Variants in KCTD16 observed in about 807,000 individuals in gnomAD.
KCTD16 encodes BTB/POZ domain-containing protein KCTD16.
In KCTD16, 13 loss-of-function variants were observed where a neutral mutation model predicts 33.2. The observed-to-expected ratio is 0.39, with a 90% confidence interval of 0.25 to 0.62. The LOEUF (loss-of-function observed/expected upper bound fraction) is 0.62, where lower values mean the gene tolerates loss of function less well. Among genes scored for constraint, KCTD16 ranks in the 20% least tolerant of loss-of-function variants. KCTD16 has a pLI of 0.50. For missense variants in KCTD16, 441 were observed against 525.1 expected, an observed-to-expected ratio of 0.84 and a Z score of 1.57; for synonymous variants, 197 against 195.3, an observed-to-expected ratio of 1.01 and a Z score of -0.07.
chr5:144,405,114 C>A (rs1752782982), intron 3 of KCTD16, among the ~76,000 whole-genome samples: 3 of 152,094 alleles, frequency 2.0e-5, no homozygotes, highest in Non-Finnish European at 2.9e-5. Context: ...AAGTAATTTG[C>A]CCAGGATCAC....
intron 3 of KCTD16, among the ~76,000 whole-genome samples, chr5:144,371,552 C>T (rs371529671): frequency 6.6e-6 from 1 of 152,140 alleles, no homozygotes; most frequent in Admixed American, 6.5e-5. Context: ...AAATGTTCCA[C>T]GTTCCTGGAC....
At chr5:144,373,645 A>G (rs549477968) in intron 3 of KCTD16, among the ~76,000 whole-genome samples, 30 of 152,162 alleles carry the variant, frequency 2.0e-4, no homozygotes, top group Non-Finnish European at 4.4e-5. Context: ...AGCTCAGCAT[A>G]TAGGTCTGTT....
chr5:144,346,423 G>C (rs1346122004), intron 3 of KCTD16, among the ~76,000 whole-genome samples: 1 of 151,906 alleles, frequency 6.6e-6, no homozygotes, highest in Non-Finnish European at 1.5e-5. Context: ...TTTTTTTCAG[G>C]GGCCTCCAAA....
chr5:144,439,006 T>A (rs538147752), intron 3 of KCTD16, among the ~76,000 whole-genome samples: 15 of 152,070 alleles, frequency 9.9e-5, no homozygotes, highest in Non-Finnish European at 2.1e-4. Flanking sequence ...GTCTTGCACA[T>A]GTTCCTTCCT....
chr5:144,179,182 T>C (rs1173144344), intron 2 of KCTD16, among the ~76,000 whole-genome samples: 1 of 152,162 alleles, frequency 6.6e-6, no homozygotes, highest in African/African-American at 2.4e-5. Flanking sequence ...CACAGGTTCC[T>C]AAAGGTTTGG....
At chr5:144,417,335 CATT>C (rs1315013465) in intron 3 of KCTD16, among the ~76,000 whole-genome samples, 1 of 152,036 alleles carries the variant, frequency 6.6e-6, no homozygotes, top group Non-Finnish European at 1.5e-5. Flanking sequence ...AATGGTGCCT[CATT>C]GTGATTTTCA....
chr5:144,426,399 A>C (rs917548892), intron 3 of KCTD16, among the ~76,000 whole-genome samples: 2 of 152,066 alleles, frequency 1.3e-5, no homozygotes, highest in African/African-American at 4.8e-5. Flanking sequence ...TCTTCTATTG[A>C]GCTCTCACCA....
At chr5:144,319,937 T>G (rs894914589) in intron 3 of KCTD16, among the ~76,000 whole-genome samples, 1 of 152,138 alleles carries the variant, frequency 6.6e-6, no homozygotes, top group Non-Finnish European at 1.5e-5. Context: ...TATTATAAAT[T>G]GATATTTGTA....
chr5:144,203,220 CT>C (rs1379786249), intron 2 of KCTD16, among the ~76,000 whole-genome samples: 1 of 151,806 alleles, frequency 6.6e-6, no homozygotes, highest in Non-Finnish European at 1.5e-5. Context: ...TCTTTTAACT[CT>C]GCAATTTAAA....
intron 3 of KCTD16, among the ~76,000 whole-genome samples, chr5:144,213,908 G>A (rs1753478943): frequency 6.6e-6 from 1 of 152,124 alleles, no homozygotes; most frequent in Non-Finnish European, 1.5e-5. Flanking sequence ...TACCATTCAG[G>A]TGCTGCAGTG....
chr5:144,464,997 C>T (rs547521267), intron 3 of KCTD16, among the ~76,000 whole-genome samples: 1 of 152,250 alleles, frequency 6.6e-6, no homozygotes, highest in East Asian at 1.9e-4. Flanking sequence ...CCCTTTCTGG[C>T]ATCTGGTAAC....
At chr5:144,180,761 C>T (rs1000946371) in intron 2 of KCTD16, among the ~76,000 whole-genome samples, 1 of 151,950 alleles carries the variant, frequency 6.6e-6, no homozygotes, top group Non-Finnish European at 1.5e-5. Context: ...CAAAACATGG[C>T]GGCTGTAGTC....
chr5:144,170,929 C>T lies in KCTD16; in HGVS notation c.-573C>T, dbSNP rs1752366829. On this transcript the variant is annotated 5_prime_UTR_variant, in exon 1 of 4. Transcript: ENST00000512467. ...GCTAAAATGAGACAGACGGAGTCCCCTCTCCTGTCCACAAACTACAATGCC... is the reference window on the plus strand; with the variant it reads ...GCTAAAATGAGACAGACGGAGTCCCTTCTCCTGTCCACAAACTACAATGCC... 1.3e-5 allele frequency: 2 copies of T among 152,276 alleles called. No individual in the cohort carries two copies. Among genetic ancestry groups the T allele is most frequent in the Admixed American group, 6.5e-5 (1 of 15,282 alleles). 9.4% of individuals were successfully genotyped at this position (152,276 alleles called of 1,614,324 possible). A position where few individuals can be genotyped will look rare whatever the true frequency, so the allele number is the denominator to read the frequency against.
At chr5:144,410,929 AAAG>A (rs1305003209) in intron 3 of KCTD16, among the ~76,000 whole-genome samples, 1 of 152,192 alleles carries the variant, frequency 6.6e-6, no homozygotes, top group East Asian at 1.9e-4. Context: ...TTCATATGTT[AAAG>A]TCCTAACCCC....
rs576131396 is a variant in KCTD16 at position 144,340,153 on chromosome 5, G to A, written c.832+132607G>A. 5.1e-4 allele frequency among the ~76,000 whole-genome samples: 78 copies of A among 152,180 alleles called. 2 individuals are homozygous for A. In the South Asian group the frequency reaches 0.014, roughly 27 times the overall value. Reference sequence around the variant, plus strand: ...TCTGAGGCCAGGCGTGGTGGCTCACGCCTGTAATCCCAGCACTTTGGGAGG... The same window carrying A: ...TCTGAGGCCAGGCGTGGTGGCTCACACCTGTAATCCCAGCACTTTGGGAGG... On this transcript the variant is annotated intron_variant, in intron 3 of 3. Transcript: ENST00000512467.
intron 3 of KCTD16, among the ~76,000 whole-genome samples, chr5:144,267,920 G>A (rs1755190584): frequency 6.6e-6 from 1 of 152,182 alleles, no homozygotes; most frequent in African/African-American, 2.4e-5. Flanking sequence ...AACTACATGA[G>A]TGGAGAGGAT....
rs1307264939 is a variant in KCTD16 at position 144,240,396 on chromosome 5, T to A, written c.832+32850T>A. 2.6e-5 allele frequency among the ~76,000 whole-genome samples: 4 copies of A among 152,134 alleles called. No individual in the cohort carries two copies. In the East Asian group the frequency reaches 7.7e-4, roughly 29 times the overall value. ...CAGTGTGTATTTTTTCTTTGTTTTT[T>A]TACTTTTTAAAATTTTGAGATAATG... On this transcript the variant is annotated intron_variant, in intron 3 of 3. Transcript: ENST00000512467.
chr5:144,352,368 T>C (rs1751466063), intron 3 of KCTD16, among the ~76,000 whole-genome samples: 1 of 152,084 alleles, frequency 6.6e-6, no homozygotes, highest in African/African-American at 2.4e-5. Flanking sequence ...GAATACGAAG[T>C]GGGGATGTAC....
At chr5:144,470,660 A>G (rs377349217) in intron 3 of KCTD16, among the ~76,000 whole-genome samples, 5 of 152,314 alleles carry the variant, frequency 3.3e-5, no homozygotes, top group African/African-American at 1.2e-4. Flanking sequence ...AAGTTGTTCA[A>G]TTCCCCTTTG....
Sources: allele counts gnomAD v4.1 joint callset (sites outside exome capture counted in the v4.1 genomes callset), GRCh38; gene constraint gnomAD v4.1.1; transcripts MANE v1.5; gene names NCBI Gene and HGNC (gene_info 2026-07-23, HGNC 2026-07-21).